PCDHGB4: variants seen among roughly 807,000 people sequenced by gnomAD.
PCDHGB4 encodes the protein protocadherin gamma subfamily B, 4.
In PCDHGB4, 38 loss-of-function variants were observed where a neutral mutation model predicts 60.5. The observed-to-expected ratio is 0.63, with a 90% CI of 0.48 to 0.82. The LOEUF (loss-of-function observed/expected upper bound fraction) is 0.82, where lower values mean the gene tolerates loss of function less well. PCDHGB4 is among the 40% of genes least tolerant of loss of function. The pLI, the probability that PCDHGB4 is intolerant of heterozygous loss-of-function variation, is 0.00. For missense variants in PCDHGB4, 1,109 were observed against 1,209.6 expected (o/e 0.92, Z 1.23); for synonymous variants, 456 against 509.7 (o/e 0.89, Z 1.42).
At chr5:141,415,638 T>G in intron 1 of PCDHGB4, 1 of 1,598,954 alleles carries the variant, frequency 6.3e-7, no homozygotes, top group Non-Finnish European at 8.5e-7. Flanking sequence ...TTTTTACTTT[T>G]GTTAAAAAAA....
chr5:141,470,658 G>T lies in PCDHGB4; in HGVS notation c.2398-24149G>T, dbSNP rs527415532. Among the ~76,000 whole-genome samples the T allele has an allele frequency of 4.7e-3, 721 of 152,024 alleles. 9 individuals carry two copies. The highest frequency in any genetic ancestry group is 6.7e-3 in the Non-Finnish European group (452 of 67,944). On this transcript the variant is annotated intron_variant, in intron 1 of 3. Transcript: ENST00000519479. ...CTTGCTTTGAAGGCCCCTACCCTTT[G>T]GTTAGGGCTCTGCTGTTACCATCTT... is the stretch of plus-strand genomic sequence containing the variant.
At chr5:141,413,840 G>T (rs1323659502) in intron 1 of PCDHGB4, 1 of 1,613,306 alleles carries the variant, frequency 6.2e-7, no homozygotes, top group Non-Finnish European at 8.5e-7. Flanking sequence ...TCCGACGGGG[G>T]TGACCCTCTC....
At position 141,409,172 on chromosome 5, in the gene PCDHGB4, G is replaced by T. The variant is rs574905228; in HGVS notation, c.2397+18891G>T. ...CACCATGGAAGTGGAAGCGAAGGAC[G>T]GAGGTGGTCTCTCTACCCAGTGTAA... On this transcript the variant is annotated intron_variant, in intron 1 of 3. Coordinates refer to ENST00000519479, the MANE Select transcript of PCDHGB4 (RefSeq NM_003736.4). The T allele has an allele frequency of 1.4e-5, 22 of 1,614,006 alleles. No homozygotes were observed. In the South Asian group the frequency reaches 2.4e-4, roughly 18 times the overall value.
intron 1 of PCDHGB4, chr5:141,398,931 C>G (rs1442157400): frequency 6.2e-7 from 1 of 1,613,956 alleles, no homozygotes; most frequent in Admixed American, 1.7e-5. Flanking sequence ...CAGCCACTGA[C>G]CAAGACGAGG....
intron 1 of PCDHGB4, chr5:141,394,715 C>T (rs776573423): frequency 6.2e-7 from 1 of 1,613,304 alleles, no homozygotes; most frequent in African/African-American, 1.3e-5. Flanking sequence ...CCCTGCTGGA[C>T]AGAGATGCGC....
intron 1 of PCDHGB4, chr5:141,418,245 A>G: frequency 5.6e-6 from 9 of 1,614,046 alleles, no homozygotes; most frequent in Non-Finnish European, 7.6e-6. Flanking sequence ...GTTAATGACC[A>G]CGCCCCTCAA....
chr5:141,427,664 C>T (rs760682962), intron 1 of PCDHGB4: 11 of 775,778 alleles, frequency 1.4e-5, no homozygotes, highest in East Asian at 1.0e-4. Context: ...TCCACGTGGC[C>T]GAAAACAACC....
rs2233610 is a variant in PCDHGB4, at chr5:141,505,535, G to A, written c.2545+54G>A. ...AGTGGGAGACCTGGGGTTCTGGGGT[G>A]CATCTCACAGCCACCATGCCCACGG... is the stretch of plus-strand genomic sequence containing the variant. On this transcript the variant is annotated intron_variant, in intron 3 of 3. Transcript: ENST00000519479. 12 of 1,610,344 alleles carry A rather than the reference G, an allele frequency of 7.5e-6. No individual in the cohort carries two copies. The East Asian group carries it at 1.8e-4, about 24-fold the overall frequency.
intron 1 of PCDHGB4, among the ~76,000 whole-genome samples, chr5:141,401,347 A>T (rs2094143126): frequency 6.6e-6 from 1 of 152,228 alleles, no homozygotes; most frequent in South Asian, 2.1e-4. Context: ...CATCTCAAAA[A>T]AAAGGAAGGA....
intron 1 of PCDHGB4, among the ~76,000 whole-genome samples, chr5:141,494,498 C>G (rs2099754760): frequency 6.6e-6 from 1 of 152,138 alleles, no homozygotes; most frequent in African/African-American, 2.4e-5. Flanking sequence ...GCCTTCAGTC[C>G]TTGAATTTTG....
At chr5:141,410,438 G>T (rs957017717) in intron 1 of PCDHGB4, 1 of 1,613,894 alleles carries the variant, frequency 6.2e-7, no homozygotes, top group African/African-American at 1.3e-5. Flanking sequence ...CTACAGTGAG[G>T]GGACTTTGCC....
chr5:141,399,623 C>G, intron 1 of PCDHGB4: 2 of 1,613,920 alleles, frequency 1.2e-6, no homozygotes, highest in Non-Finnish European at 1.7e-6. Context: ...GCACTGGCCT[C>G]TTACGTGTCC....
In PCDHGB4 at chr5:141,489,098, T is replaced by C; in HGVS notation, c.2398-5709T>C. 1 of 293,346 alleles carries C rather than the reference T, an allele frequency of 3.4e-6. No homozygotes were observed. The highest frequency in any genetic ancestry group is 5.5e-5 in the South Asian group (1 of 18,124). The allele number at this position is 293,346 out of a possible 1,614,324, so 18.2% of individuals were successfully genotyped here. A position where few individuals can be genotyped will look rare whatever the true frequency, so the allele number is the denominator to read the frequency against. ...CCCCCGCCACTCGGTGACTAAGAAC[T>C]GCTGCAAGCAGGCAAACCTCCGAGC... On this transcript the variant is annotated intron_variant, in intron 1 of 3. Transcript: ENST00000519479. The surrounding 1 kb of genome is among the most constrained non-coding windows in gnomAD (Gnocchi z 4.5).
In PCDHGB4 at chr5:141,431,964, A is replaced by G; in HGVS notation, c.2397+41683A>G. On this transcript the variant is annotated intron_variant, in intron 1 of 3. Coordinates refer to ENST00000519479, the MANE Select transcript of PCDHGB4 (RefSeq NM_003736.4). The surrounding 1 kb of genome is among the most constrained non-coding windows in gnomAD (Gnocchi z 4.8). Reference sequence around the variant, plus strand: ...TTAGAAAAATCTTACGGAAATTACTATAGTTTAGTCACAGACATAGTCTTG... The same window carrying G: ...TTAGAAAAATCTTACGGAAATTACTGTAGTTTAGTCACAGACATAGTCTTG... 2.5e-6 allele frequency: 4 copies of G among 1,614,218 alleles called. No individual in the cohort carries two copies. The highest frequency in any genetic ancestry group is 2.5e-6 in the Non-Finnish European group (3 of 1,180,028).
At chr5:141,453,482 A>T (rs979979155) in intron 1 of PCDHGB4, among the ~76,000 whole-genome samples, 1 of 151,990 alleles carries the variant, frequency 6.6e-6, no homozygotes, top group Non-Finnish European at 1.5e-5. Context: ...CAAAACTATT[A>T]AAAAAAGGTG....
rs1240258760 is a variant in PCDHGB4 at position 141,423,933 on chromosome 5, GAAGT to G, written c.2397+33657_2397+33660del. On this transcript the variant is annotated intron_variant, in intron 1 of 3. Coordinates refer to ENST00000519479, the MANE Select transcript of PCDHGB4 (RefSeq NM_003736.4). The stretch of plus-strand genomic sequence containing the variant: ...CCATTCAACTATGCTGGTTTGGTTT[GAAGT>G]AAGTTGAATTTTAGTATTATTTTTC... 5 of 1,226,500 alleles carry G rather than the reference GAAGT, an allele frequency of 4.1e-6. No homozygotes were observed. The African/African-American group carries it at 7.9e-5, about 19-fold the overall frequency. The allele number at this position is 1,226,500 out of a possible 1,614,324, so 76.0% of individuals were successfully genotyped here. A position where few individuals can be genotyped will look rare whatever the true frequency, so the allele number is the denominator to read the frequency against.
intron 1 of PCDHGB4, chr5:141,478,814 C>T (rs1271237848): frequency 6.9e-7 from 1 of 1,451,050 alleles, no homozygotes; most frequent in East Asian, 2.5e-5. Context: ...GCTATCACAA[C>T]TAACCAATCT....
chr5:141,490,908 C>T lies in PCDHGB4; in HGVS notation c.2398-3899C>T, dbSNP rs201078924. On this transcript the variant is annotated intron_variant, in intron 1 of 3. Coordinates refer to ENST00000519479, the MANE Select transcript of PCDHGB4 (RefSeq NM_003736.4). This position sits in a 1 kb window ranked among gnomAD's most constrained non-coding sequence, Gnocchi z 5.4. The stretch of plus-strand genomic sequence containing the variant: ...CATCTCTGCATGTGTTTGTCCTAGA[C>T]GAGAATGATAATGCCCCAGCTGTGC... 42 of 1,613,710 alleles carry T rather than the reference C, an allele frequency of 2.6e-5. No homozygotes were observed. The highest frequency in any genetic ancestry group is 8.3e-5 in the Admixed American group (5 of 60,018).
chr5:141,422,106 C>G (rs763336868), intron 1 of PCDHGB4: 1 of 1,607,266 alleles, frequency 6.2e-7, no homozygotes, highest in Admixed American at 1.7e-5. Flanking sequence ...CTGAAATATT[C>G]CAATTGGATT....
Sources: allele counts gnomAD v4.1 joint callset (sites outside exome capture counted in the v4.1 genomes callset), GRCh38; gene constraint gnomAD v4.1.1; non-coding constraint Gnocchi (gnomAD v3.1); transcripts MANE v1.5; gene names NCBI Gene and HGNC (gene_info 2026-07-23, HGNC 2026-07-21).